PRR16: variants seen among roughly 807,000 people sequenced by gnomAD.
PRR16 encodes proline rich 16, also known as protein Largen.
PRR16 carries 6 observed loss-of-function variants against 18.2 expected under a neutral mutation model. The observed-to-expected ratio is 0.33, with a 90% CI of 0.18 to 0.65. The LOEUF (loss-of-function observed/expected upper bound fraction) is 0.65, where lower values mean the gene tolerates loss of function less well. Among genes scored for constraint, PRR16 ranks in the 30% least tolerant of loss-of-function variants. PRR16 has a pLI of 0.74. For missense variants in PRR16, 412 were observed against 376.6 expected (o/e 1.09, Z -0.78); for synonymous variants, 151 against 147.8 (o/e 1.02, Z -0.16).
chr5:120,555,135 C>T (rs1056450518), intron 1 of PRR16, among the ~76,000 whole-genome samples: 3 of 151,866 alleles, frequency 2.0e-5, no homozygotes, highest in African/African-American at 7.3e-5. Context: ...TGAGCAAATT[C>T]AGCATTCACA....
the PRR16 span, among the ~76,000 whole-genome samples, chr5:120,719,740 A>G: frequency 1.3e-5 from 2 of 152,110 alleles, no homozygotes; most frequent in African/African-American, 4.8e-5. Context: ...TTCAAATAAA[A>G]TAGATTACTG....
the PRR16 span, among the ~76,000 whole-genome samples, chr5:120,766,419 C>A: frequency 6.6e-6 from 1 of 151,904 alleles, no homozygotes; most frequent in African/African-American, 2.4e-5. Flanking sequence ...CTCTATTCAA[C>A]TATTTTATTA....
At chr5:120,484,620 G>T in intron 1 of PRR16, among the ~76,000 whole-genome samples, 1 of 143,328 alleles carries the variant, frequency 7.0e-6, no homozygotes, top group African/African-American at 2.5e-5. Flanking sequence ...TACATATATT[G>T]TATATACACT....
chr5:120,655,737 G>GTTT (rs56306392), intron 1 of PRR16, among the ~76,000 whole-genome samples: 2 of 140,364 alleles, frequency 1.4e-5, no homozygotes, highest in South Asian at 2.3e-4. Flanking sequence ...TTTTTTTTTT[G>GTTT]TTTTTTTTTT....
chr5:120,497,018 T>G (rs1750268860), intron 1 of PRR16, among the ~76,000 whole-genome samples: 1 of 152,182 alleles, frequency 6.6e-6, no homozygotes, highest in Non-Finnish European at 1.5e-5. Context: ...TTTAATGTTC[T>G]CTTTTTGTTA....
chr5:120,733,404 C>T, the PRR16 span, among the ~76,000 whole-genome samples: 2 of 152,252 alleles, frequency 1.3e-5, no homozygotes, highest in East Asian at 1.9e-4. Flanking sequence ...CCCACTTTAA[C>T]ATCTCAAATT....
At chr5:120,636,427 G>A (rs974111835) in intron 1 of PRR16, among the ~76,000 whole-genome samples, 1 of 152,070 alleles carries the variant, frequency 6.6e-6, no homozygotes, top group Non-Finnish European at 1.5e-5. Context: ...ATAAAAATAG[G>A]CACATAGACT....
intron 1 of PRR16, among the ~76,000 whole-genome samples, chr5:120,588,187 A>G (rs1334325872): frequency 2.6e-5 from 4 of 152,212 alleles, no homozygotes; most frequent in African/African-American, 7.2e-5. Flanking sequence ...GTTTCTTGAG[A>G]TGATATCTAC....
chr5:120,775,374 C>T, the PRR16 span, among the ~76,000 whole-genome samples: 632 of 140,264 alleles, frequency 4.5e-3, 5 homozygotes, highest in African/African-American at 0.017. Context: ...ATCTTCCTCA[C>T]CTCCTCATTT....
intron 1 of PRR16, among the ~76,000 whole-genome samples, chr5:120,508,722 T>C (rs1750726167): frequency 6.6e-6 from 1 of 152,148 alleles, no homozygotes; most frequent in African/African-American, 2.4e-5. Context: ...TTTACATTTT[T>C]ACTTTGAGTG....
intron 1 of PRR16, among the ~76,000 whole-genome samples, chr5:120,654,156 C>T (rs1755885509): frequency 6.6e-6 from 1 of 151,890 alleles, no homozygotes; most frequent in African/African-American, 2.4e-5. Flanking sequence ...GATTTGCTGC[C>T]CCTTCTCCCT....
chr5:120,774,071 T>TGATA, the PRR16 span, among the ~76,000 whole-genome samples: 77,726 of 151,530 alleles, frequency 0.51, 20,990 homozygotes, highest in African/African-American at 0.69. Flanking sequence ...ATTTTTGAGT[T>TGATA]GATTTCCTGT....
At chr5:120,764,591 C>T in the PRR16 span, among the ~76,000 whole-genome samples, 12 of 152,028 alleles carry the variant, frequency 7.9e-5, no homozygotes, top group African/African-American at 2.9e-4. Context: ...GGCCTATTAA[C>T]TATGGATAAC....
chr5:120,465,700 G>C (rs1241454167), intron 1 of PRR16: 1 of 152,436 alleles, frequency 6.6e-6, no homozygotes, highest in Admixed American at 6.5e-5. Context: ...TGGGGTCCTG[G>C]TGCGGTTCTC....
At chr5:120,579,011 G>C (rs1432753660) in intron 1 of PRR16, among the ~76,000 whole-genome samples, 1 of 152,024 alleles carries the variant, frequency 6.6e-6, no homozygotes, top group Non-Finnish European at 1.5e-5. Context: ...TTGATGTTGA[G>C]CTTTTTTTCA....
the PRR16 span, among the ~76,000 whole-genome samples, chr5:120,705,219 G>T: frequency 6.1e-4 from 93 of 152,116 alleles, no homozygotes; most frequent in African/African-American, 2.2e-3. Context: ...TATATATAAT[G>T]TTATGTTAAT....
intron 1 of PRR16, among the ~76,000 whole-genome samples, chr5:120,585,638 C>T (rs192399521): frequency 6.7e-6 from 1 of 149,386 alleles, no homozygotes; most frequent in Non-Finnish European, 1.5e-5. Flanking sequence ...AAAGCTCCTT[C>T]TTCACACTAC....
intron 1 of PRR16, among the ~76,000 whole-genome samples, chr5:120,551,260 T>C (rs1412757890): frequency 1.3e-5 from 2 of 152,004 alleles, no homozygotes; most frequent in African/African-American, 4.8e-5. Context: ...AAGATCATGC[T>C]GTATTTGTCT....
chr5:120,732,498 G>T, the PRR16 span, among the ~76,000 whole-genome samples: 4 of 152,084 alleles, frequency 2.6e-5, no homozygotes, highest in Non-Finnish European at 5.9e-5. Context: ...AGTGGTCCTA[G>T]GATCAAGGCT....
Sources: gnomAD v4.1 joint callset for allele counts (sites outside exome capture counted in the v4.1 genomes callset) on GRCh38, gnomAD v4.1.1 for gene constraint, MANE v1.5 for transcripts, NCBI Gene and HGNC (gene_info 2026-07-23, HGNC 2026-07-21) for gene names.